Variants in CALN1 observed in about 807,000 individuals in gnomAD.
CALN1 encodes the protein calneuron 1.
In CALN1, 17 loss-of-function variants were observed where a neutral mutation model predicts 30.6. That is an observed-to-expected ratio of 0.56 (90% CI 0.38 to 0.83). CALN1 has a LOEUF of 0.83. Ranked by LOEUF, CALN1 falls within the 40% of genes least tolerant of loss-of-function variation. The pLI, the probability that CALN1 is intolerant of heterozygous loss-of-function variation, is 0.00. For synonymous variants in CALN1, 156 were observed against 131.4 expected, an observed-to-expected ratio of 1.19 and a Z score of -1.28; for missense variants, 291 against 354.9, an observed-to-expected ratio of 0.82 and a Z score of 1.45.
At chr7:72,422,303 G>C (rs543759498) in intron 1 of CALN1, among the ~76,000 whole-genome samples, 1 of 152,192 alleles carries the variant, frequency 6.6e-6, no homozygotes, top group South Asian at 2.1e-4. Flanking sequence ...ATTGTTTTTT[G>C]ACTTTTTAAT....
chr7:72,417,464 C>G (rs936579563), intron 1 of CALN1, among the ~76,000 whole-genome samples: 1 of 152,170 alleles, frequency 6.6e-6, no homozygotes, highest in East Asian at 1.9e-4. Flanking sequence ...CAGTTGCAAG[C>G]CTGGGGTGGC....
chr7:72,171,441 T>G (rs180681568), intron 3 of CALN1, among the ~76,000 whole-genome samples: 242 of 152,256 alleles, frequency 1.6e-3, no homozygotes, highest in Non-Finnish European at 2.7e-3. Flanking sequence ...CTGGCCAACA[T>G]AGTGAGACCC....
intron 4 of CALN1, among the ~76,000 whole-genome samples, chr7:72,041,786 C>T (rs1158452074): frequency 6.6e-6 from 1 of 152,090 alleles, no homozygotes; most frequent in East Asian, 1.9e-4. Context: ...TCGTGCTGTT[C>T]TCAAAACAGT....
intron 5 of CALN1, among the ~76,000 whole-genome samples, chr7:71,879,583 C>A (rs1792448365): frequency 1.3e-5 from 2 of 152,178 alleles, no homozygotes; most frequent in Admixed American, 6.5e-5. Flanking sequence ...GGGCTGAGTG[C>A]AGGATAGCTG....
chr7:72,104,631 G>A (rs1243892909), intron 4 of CALN1, among the ~76,000 whole-genome samples: 4 of 152,038 alleles, frequency 2.6e-5, no homozygotes, highest in African/African-American at 9.7e-5. Context: ...ACTTATAAGT[G>A]AGAAAAAGCA....
intron 5 of CALN1, among the ~76,000 whole-genome samples, chr7:71,884,439 C>T (rs769495020): frequency 2.0e-5 from 3 of 151,784 alleles, no homozygotes; most frequent in Admixed American, 1.3e-4. Flanking sequence ...CAATGGAATA[C>T]GAAACCCAAC....
chr7:72,339,352 C>CAT (rs775188664), intron 2 of CALN1, among the ~76,000 whole-genome samples: 122 of 152,136 alleles, frequency 8.0e-4, no homozygotes, highest in Non-Finnish European at 1.5e-3. Context: ...ATTGCTGGAT[C>CAT]ATATGCTCCC....
the CALN1 span, among the ~76,000 whole-genome samples, chr7:72,466,552 T>G: frequency 6.6e-6 from 1 of 152,144 alleles, no homozygotes; most frequent in Non-Finnish European, 1.5e-5. Flanking sequence ...GAGACCAGCC[T>G]GGCCAACATG....
intron 2 of CALN1, among the ~76,000 whole-genome samples, chr7:72,363,571 C>CT (rs112322954): frequency 0.22 from 33,370 of 151,676 alleles, 4,926 homozygotes; most frequent in African/African-American, 0.4. Flanking sequence ...CATAAACTTA[C>CT]TTTTTTTACA....
rs764276435 is a variant in CALN1, at chr7:72,247,227, C to CTTTTTTTTTTTTT, written c.244+31446_244+31458dup. ...GGGTTTTCAACAGACCATTTTCTTT[C>CTTTTTTTTTTTTT]TTTTTTTTTTTTTTTTTTTTTTTTT... On this transcript the variant is annotated intron_variant, in intron 3 of 6. Coordinates refer to ENST00000395275, the MANE Select transcript of CALN1 (RefSeq NM_031468.4). Among the ~76,000 whole-genome samples the CTTTTTTTTTTTTT allele has an allele frequency of 2.4e-4, 19 of 77,710 alleles. 2 individuals carry two copies. Among genetic ancestry groups the CTTTTTTTTTTTTT allele is most frequent in the South Asian group, 4.1e-4 (1 of 2,466 alleles). 51.0% of individuals were successfully genotyped at this position (77,710 alleles called of 152,430 possible).
chr7:72,066,152 T>C (rs79095518), intron 4 of CALN1, among the ~76,000 whole-genome samples: 12,489 of 152,254 alleles, frequency 0.082, 1,694 homozygotes, highest in African/African-American at 0.28. Flanking sequence ...GACCTTACAA[T>C]TGTTTCTGCT....
At chr7:71,864,857 C>T (rs1232068023) in intron 5 of CALN1, among the ~76,000 whole-genome samples, 1 of 151,920 alleles carries the variant, frequency 6.6e-6, no homozygotes, top group African/African-American at 2.4e-5. Context: ...TATAAATTAG[C>T]CAGGCATGGT....
At chr7:72,121,655 T>C (rs1038063655) in intron 3 of CALN1, among the ~76,000 whole-genome samples, 5 of 148,818 alleles carry the variant, frequency 3.4e-5, no homozygotes, top group African/African-American at 1.2e-4. Flanking sequence ...TAGGATTACA[T>C]TTCTGGGTAG....
In CALN1 at chr7:72,230,342, TA is replaced by T. The variant is rs3032182; in HGVS notation, c.244+48343del. 3.7e-3 allele frequency among the ~76,000 whole-genome samples: 459 copies of T among 124,778 alleles called. 7 individuals carry two copies. Among genetic ancestry groups the T allele is most frequent in the African/African-American group, 0.01 (339 of 32,870 alleles). The allele number at this position is 124,778 out of a possible 152,430, so 81.9% of individuals were successfully genotyped here. A position where few individuals can be genotyped will look rare whatever the true frequency, so the allele number is the denominator to read the frequency against. ...GAAACTCTGTCTCTACAATAGATAC[TA>T]AAAAAAAAAAAAAATTAGCTGGGTG... On this transcript the variant is annotated intron_variant, in intron 3 of 6. Coordinates refer to ENST00000395275, the MANE Select transcript of CALN1 (RefSeq NM_031468.4).
At chr7:71,798,111 CAGAGACAGAGACAGAGAGAGAGAGAG>C (rs1562787890) in intron 6 of CALN1, among the ~76,000 whole-genome samples, 1 of 49,508 alleles carries the variant, frequency 2.0e-5, no homozygotes, top group Non-Finnish European at 3.7e-5. Context: ...CAGAGAGAGA[CAGAGACAGAGACAGAGAGAGAGAGAG>C]AGAGAGAGAG....
intron 2 of CALN1, among the ~76,000 whole-genome samples, chr7:72,327,131 G>A (rs926341069): frequency 6.6e-6 from 1 of 152,212 alleles, no homozygotes; most frequent in Non-Finnish European, 1.5e-5. Flanking sequence ...TGTAGGATGA[G>A]ACCACAAGGT....
At chr7:72,303,912 C>G (rs539973543) in intron 2 of CALN1, among the ~76,000 whole-genome samples, 57 of 151,926 alleles carry the variant, frequency 3.8e-4, no homozygotes, top group Non-Finnish European at 7.6e-4. Flanking sequence ...TTGCTTGTAT[C>G]ATATTTGTTT....
chr7:72,379,444 G>T (rs1380958122), intron 2 of CALN1, among the ~76,000 whole-genome samples: 1 of 152,194 alleles, frequency 6.6e-6, no homozygotes, highest in African/African-American at 2.4e-5. Context: ...TGCTCTTCAT[G>T]AATTATCTCA....
At chr7:72,334,446 C>T (rs1801875079) in intron 2 of CALN1, among the ~76,000 whole-genome samples, 1 of 152,118 alleles carries the variant, frequency 6.6e-6, no homozygotes, top group African/African-American at 2.4e-5. Flanking sequence ...TATTTATGAA[C>T]GGATCAGAAG....
Sources: gnomAD v4.1 joint callset for allele counts (sites outside exome capture counted in the v4.1 genomes callset) on GRCh38, gnomAD v4.1.1 for gene constraint, MANE v1.5 for transcripts, NCBI Gene and HGNC (gene_info 2026-07-23, HGNC 2026-07-21) for gene names.